The following F9 variants were observed in gnomAD, a reference collection of about 807,000 sequenced individuals.
F9 encodes Christmas factor.
A neutral mutation model predicts 34.1 loss-of-function variants in F9; 2 were observed. The ratio of observed to expected loss-of-function variants is 0.06; its 90% CI spans 0.02 to 0.18. The LOEUF is 0.18. F9 is among the 10% of genes least tolerant of loss of function. F9 has a pLI of 1.00. For synonymous variants in F9, 137 were observed against 118.8 expected, an observed-to-expected ratio of 1.15 and a Z score of -1.00; for missense variants, 216 against 345.1, an observed-to-expected ratio of 0.63 and a Z score of 2.96.
At chrX:139,536,527 T>C (rs1052956967) in intron 1 of F9, among the ~76,000 whole-genome samples, 2 of 111,619 alleles carry the variant, frequency 1.8e-5, no homozygotes, top group Admixed American at 9.6e-5. Context: ...CAGTGATTTT[T>C]CTTTAACATC....
intron 1 of F9, among the ~76,000 whole-genome samples, chrX:139,531,363 A>G (rs1569481611): frequency 1.8e-5 from 2 of 112,148 alleles, no homozygotes; most frequent in Non-Finnish European, 3.8e-5. Context: ...TTTAAATTAT[A>G]TATCTTCAAT....
chrX:139,530,875 C>T, intron 1 of F9, 23 bp downstream of exon 1: 1 of 1,089,010 alleles, frequency 9.2e-7, no homozygotes, highest in Non-Finnish European at 1.3e-6. Flanking sequence ...TTTTAAAATA[C>T]ATTGAGTATG....
chrX:139,544,276 C>T (rs915358955), intron 4 of F9, among the ~76,000 whole-genome samples: 3 of 111,445 alleles, frequency 2.7e-5, no homozygotes, highest in Non-Finnish European at 5.7e-5. Flanking sequence ...AGCATTGCTT[C>T]GTAGCAACAA....
intron 1 of F9, among the ~76,000 whole-genome samples, chrX:139,535,059 G>A (rs947804564): frequency 9.0e-6 from 1 of 111,261 alleles, no homozygotes; most frequent in African/African-American, 3.3e-5. Flanking sequence ...CCAATGAAGA[G>A]TTGAAGAGAG....
In F9 at chrX:139,561,888, A is replaced by C. The variant is rs1304565911; in HGVS notation, c.1203A>C (p.Glu401Asp). 1 of 1,211,949 alleles carries C rather than the reference A, an allele frequency of 8.3e-7. No individual in the cohort carries two copies. Among genetic ancestry groups the C allele is most frequent in the East Asian group, 3.0e-5 (1 of 33,845 alleles). ...YNNMFCAGFH[E>D]GGRDSCQGDS... ...ACATGTTCTGTGCTGGCTTCCATGA[A>C]GGAGGTAGAGATTCATGTCAAGGAG... Residue 401 changes from glutamate to aspartate, a missense_variant, in exon 8 of 8, where the codon GAA becomes GAC. By Grantham distance (45) the Glu-to-Asp change is conservative. This residue lies in a region of F9 where 177 missense variants were observed against 311.8 expected (regional missense o/e 0.57). Transcript: ENST00000218099.
intron 4 of F9, among the ~76,000 whole-genome samples, chrX:139,545,321 C>G (rs1002838025): frequency 2.7e-5 from 3 of 111,639 alleles, no homozygotes; most frequent in Admixed American, 1.9e-4. Context: ...AAGAGCAGAG[C>G]CTGTTTTTCT....
intron 1 of F9, among the ~76,000 whole-genome samples, chrX:139,532,677 A>G (rs113121138): frequency 2.0e-3 from 220 of 111,951 alleles, no homozygotes; most frequent in African/African-American, 6.6e-3. Flanking sequence ...ATGGGGAAAC[A>G]ATTGATAGAG....
chrX:139,555,396 G>T (rs952306540), intron 6 of F9, among the ~76,000 whole-genome samples: 3 of 112,781 alleles, frequency 2.7e-5, no homozygotes, highest in African/African-American at 9.7e-5. Flanking sequence ...ACCTCAGCTT[G>T]CCAGGCTGGA....
At chrX:139,534,890 T>C (rs1468331058) in intron 1 of F9, among the ~76,000 whole-genome samples, 1 of 111,543 alleles carries the variant, frequency 9.0e-6, no homozygotes, top group Admixed American at 9.5e-5. Flanking sequence ...GGCATCAATA[T>C]GTGGTGGCAT....
At chrX:139,558,190 G>T (rs2148366044) in intron 6 of F9, among the ~76,000 whole-genome samples, 1 of 113,906 alleles carries the variant, frequency 8.8e-6, no homozygotes, top group Admixed American at 9.2e-5. Flanking sequence ...TGGCCATGTG[G>T]CATCTCTGGA....
chrX:139,561,735 T>A lies in F9; in HGVS notation c.1050T>A (p.Ser350=), dbSNP rs1178513569. Residue 350 remains serine, a synonymous_variant, in exon 8 of 8, where the codon TCT becomes TCA. Transcript: ENST00000218099. ...EYTNIFLKFG[S]GYVSGWGRVF... ...CGAACATCTTCCTCAAATTTGGATC[T>A]GGCTATGTAAGTGGCTGGGGAAGAG... is the stretch of plus-strand genomic sequence containing the variant. The A allele has an allele frequency of 8.3e-7, 1 of 1,210,448 alleles. No individual in the cohort carries two copies. Among genetic ancestry groups the A allele is most frequent in the Non-Finnish European group, 1.1e-6 (1 of 895,325 alleles).
In F9 at chrX:139,560,785, C is replaced by T. The variant is rs758909063; in HGVS notation, c.768C>T (p.Ile256=). 5.4e-5 allele frequency: 65 copies of T among 1,208,607 alleles called. No homozygotes were observed. In the East Asian group the frequency reaches 1.2e-3, roughly 22 times the overall value. The change falls in exon 7 of 8, where the codon ATC becomes ATT. Residue 256 remains isoleucine, a synonymous_variant. Coordinates refer to ENST00000218099, the MANE Select transcript of F9 (RefSeq NM_000133.4). ...TTGATGCATTCTGTGGAGGCTCTAT[C>T]GTTAATGAAAAATGGATTGTAACTG... ...GKVDAFCGGS[I]VNEKWIVTAA... is the part of the protein sequence containing the mutation.
intron 4 of F9, among the ~76,000 whole-genome samples, 170 bp downstream of exon 4, chrX:139,541,359 C>T (rs1927598091): frequency 9.0e-6 from 1 of 111,627 alleles, no homozygotes; most frequent in Admixed American, 9.6e-5. Context: ...CAAGAAGCTA[C>T]ATTAAAATCA....
intron 1 of F9, 28 bp downstream of exon 1, chrX:139,530,880 A>T (rs766714367): frequency 9.2e-7 from 1 of 1,084,040 alleles, no homozygotes; most frequent in Admixed American, 2.2e-5. Flanking sequence ...AAATACATTG[A>T]GTATGCTTGC....
At position 139,537,033 on chromosome X, in the gene F9, A is replaced by G; in HGVS notation, c.112A>G (p.Asn38Asp). The change falls in exon 2 of 8, where the codon AAC (asparagine) becomes GAC (aspartate). Residue 38 changes from asparagine (N) to aspartate (D), a missense_variant. Asn to Asp is a conservative substitution (Grantham distance 23). This residue lies in a region of F9 where 39 missense variants were observed against 33.3 expected (regional missense o/e 1.17). Transcript: ENST00000218099. ...AGTTTTTCTTGATCATGAAAACGCC[A>G]ACAAAATTCTGAATCGGCCAAAGAG... is the stretch of plus-strand genomic sequence containing the variant. The part of the protein sequence containing the change: ...CTVFLDHENA[N>D]KILNRPKRYN... 5 of 1,209,092 alleles carry G rather than the reference A, an allele frequency of 4.1e-6. No individual in the cohort carries two copies. The highest frequency in any genetic ancestry group is 4.5e-6 in the Non-Finnish European group (4 of 894,099).
rs919379476 is a variant in F9, at chrX:139,541,005, G to T, written c.278-71G>T. ...TAAAATCAGACTCCCATCCCAATGA[G>T]TATCTACAGGGGAGGACCGGGCATT... On this transcript the variant is annotated intron_variant, in intron 3 of 7. Transcript: ENST00000218099. The T allele has an allele frequency of 7.7e-6, 6 of 774,290 alleles. No individual in the cohort carries two copies. In the African/African-American group the frequency reaches 1.0e-4, roughly 13 times the overall value. 63.8% of individuals were successfully genotyped at this position (774,290 alleles called of 1,213,427 possible).
chrX:139,548,652 C>T (rs761813124), intron 5 of F9, among the ~76,000 whole-genome samples, 161 bp downstream of exon 5: 56 of 111,906 alleles, frequency 5.0e-4, no homozygotes, highest in Non-Finnish European at 9.2e-4. Context: ...TAGATTGCAT[C>T]ATATTTTAAA....
At chrX:139,556,018 A>G (rs1409145020) in intron 6 of F9, among the ~76,000 whole-genome samples, 1 of 111,446 alleles carries the variant, frequency 9.0e-6, no homozygotes, top group African/African-American at 3.3e-5. Flanking sequence ...GCATGCGCAA[A>G]CTGGCCCCAA....
At chrX:139,531,876 A>G (rs919799579) in intron 1 of F9, among the ~76,000 whole-genome samples, 1 of 112,573 alleles carries the variant, frequency 8.9e-6, no homozygotes, top group African/African-American at 3.2e-5. Flanking sequence ...AAAAAAAAAT[A>G]CAGAGGTTAA....
Sources: allele counts gnomAD v4.1 joint callset (sites outside exome capture counted in the v4.1 genomes callset), GRCh38; gene constraint gnomAD v4.1.1; regional missense constraint gnomAD v4.1.1; transcripts MANE v1.5; gene names NCBI Gene and HGNC (gene_info 2026-07-23, HGNC 2026-07-21).